L3MBTL2: variants seen among roughly 807,000 people sequenced by gnomAD.
L3MBTL2 encodes the protein lethal(3)malignant brain tumor-like protein 2.
L3MBTL2 carries 49 observed loss-of-function variants against 86.4 expected under a neutral mutation model. That is an observed-to-expected ratio of 0.57 (90% CI 0.45 to 0.72). The LOEUF (loss-of-function observed/expected upper bound fraction) is 0.72. L3MBTL2 is among the 30% of genes least tolerant of loss of function. The pLI, the probability that L3MBTL2 is intolerant of heterozygous loss-of-function variation, is 0.00. For synonymous variants in L3MBTL2, 336 were observed against 350.6 expected, an observed-to-expected ratio of 0.96 and a Z score of 0.47; for missense variants, 755 against 923.7, an observed-to-expected ratio of 0.82 and a Z score of 2.37.
At chr22:41,229,812 T>G (rs905563303) in intron 16 of L3MBTL2, 156 bp downstream of exon 16, 10 of 1,275,558 alleles carry the variant, frequency 7.8e-6, no homozygotes, top group African/African-American at 4.4e-5. Context: ...CCAGGGTGTT[T>G]CCCAGACACG....
chr22:41,216,896 C>T (rs1419457040), intron 4 of L3MBTL2: 1 of 491,850 alleles, frequency 2.0e-6, no homozygotes, highest in African/African-American at 2.0e-5. Flanking sequence ...TGTTCCTCTA[C>T]TCCTGAGAGT....
Position 41,230,629 on chromosome 22 carries a change from A to C in L3MBTL2, c.*378A>C. The C allele has an allele frequency of 4.2e-6, 1 of 238,814 alleles. No homozygotes were observed. The highest frequency in any genetic ancestry group is 2.3e-5 in the African/African-American group (1 of 43,756). 14.8% of individuals were successfully genotyped at this position (238,814 alleles called of 1,614,324 possible). A position where few individuals can be genotyped will look rare whatever the true frequency, so the allele number is the denominator to read the frequency against. On this transcript the variant is annotated 3_prime_UTR_variant, in exon 17 of 17. Coordinates refer to ENST00000216237, the MANE Select transcript of L3MBTL2 (RefSeq NM_031488.5). ...CCACCACTGTCACACTGTGGAATAC[A>C]AGACAGTGAACTCTGTCTGCCTGAA...
intron 1 of L3MBTL2, among the ~76,000 whole-genome samples, chr22:41,206,536 C>T (rs1195329704): frequency 1.3e-5 from 2 of 151,964 alleles, no homozygotes; most frequent in Non-Finnish European, 2.9e-5. Context: ...CGGTGGCTCA[C>T]GCCTGTAATC....
chr22:41,227,463 C>G lies in L3MBTL2; in HGVS notation c.1822+140C>G, dbSNP rs1207198741. The G allele has an allele frequency of 6.7e-6, 8 of 1,197,860 alleles. No individual in the cohort carries two copies. The highest frequency in any genetic ancestry group is 9.7e-6 in the Non-Finnish European group (8 of 828,394). The allele number at this position is 1,197,860 out of a possible 1,614,324, so 74.2% of individuals were successfully genotyped here. ...GACCACTTTAAGTAGAGAGTGAGCCCCGTCACCCAGCCCCTGCTCCTGACT... is the reference window on the plus strand; with the variant it reads ...GACCACTTTAAGTAGAGAGTGAGCCGCGTCACCCAGCCCCTGCTCCTGACT... On this transcript the variant is annotated intron_variant, in intron 14 of 16. Coordinates refer to ENST00000216237, the MANE Select transcript of L3MBTL2 (RefSeq NM_031488.5). This position sits in a 1 kb window ranked among gnomAD's most constrained non-coding sequence, Gnocchi z 6.0.
rs2032105527 is a variant in L3MBTL2 at position 41,225,338 on chromosome 22, C to T, written c.1356+267C>T. On this transcript the variant is annotated intron_variant, in intron 11 of 16. Transcript: ENST00000216237. This position sits in a 1 kb window ranked among gnomAD's most constrained non-coding sequence, Gnocchi z 4.1. ...TGTGTCAGAGTAGGCCCCTCCCTGT[C>T]ACCTCACTGGGGCCTTCTTGCTGTG... is the stretch of plus-strand genomic sequence containing the variant. 6.6e-6 allele frequency among the ~76,000 whole-genome samples: 1 copy of T among 152,212 alleles called. No individual in the cohort carries two copies. Among genetic ancestry groups the T allele is most frequent in the African/African-American group, 2.4e-5 (1 of 41,456 alleles).
intron 12 of L3MBTL2, among the ~76,000 whole-genome samples, 153 bp from the exon 13 acceptor site, chr22:41,226,509 G>T (rs1366164280): frequency 6.6e-6 from 1 of 152,224 alleles, no homozygotes; most frequent in East Asian, 1.9e-4. Context: ...GCTAGAGCAG[G>T]TACTACCCTG....
chr22:41,205,607 C>T (rs553682024), intron 1 of L3MBTL2, among the ~76,000 whole-genome samples: 3 of 152,232 alleles, frequency 2.0e-5, no homozygotes, highest in South Asian at 4.2e-4. Context: ...GAGGAACAGC[C>T]GTCCCTGGCC....
In L3MBTL2 at chr22:41,220,887, T is replaced by G; in HGVS notation, c.853+19T>G. 1 of 1,606,644 alleles carries G rather than the reference T, an allele frequency of 6.2e-7. No homozygotes were observed. Among genetic ancestry groups the G allele is most frequent in the Non-Finnish European group, 8.5e-7 (1 of 1,174,148 alleles). ...CCACGGAGTGAGTTGATGAGAACATTTCCTCTCTTGTTCCCGTAGGGCCCC... is the reference window on the plus strand; with the variant it reads ...CCACGGAGTGAGTTGATGAGAACATGTCCTCTCTTGTTCCCGTAGGGCCCC... On this transcript the variant is annotated intron_variant, in intron 7 of 16. Coordinates refer to ENST00000216237, the MANE Select transcript of L3MBTL2 (RefSeq NM_031488.5).
rs892467476 is a variant in L3MBTL2, at chr22:41,230,465, G to A, written c.*214G>A. On this transcript the variant is annotated 3_prime_UTR_variant, in exon 17 of 17. Transcript: ENST00000216237. Reference sequence around the variant, plus strand: ...TCCCCTGTGGAAAGGTCTATATGACGGGCCGCCTGAGGCCCCAGAACTCGT... The same window carrying A: ...TCCCCTGTGGAAAGGTCTATATGACAGGCCGCCTGAGGCCCCAGAACTCGT... The A allele has an allele frequency of 1.7e-5, 9 of 522,014 alleles. No individual in the cohort carries two copies. Among genetic ancestry groups the A allele is most frequent in the East Asian group, 1.0e-4 (3 of 30,016 alleles). The allele number at this position is 522,014 out of a possible 1,614,324, so 32.3% of individuals were successfully genotyped here.
intron 2 of L3MBTL2, 85 bp from the exon 3 acceptor site, chr22:41,213,808 G>C: frequency 2.0e-6 from 3 of 1,483,736 alleles, no homozygotes; most frequent in Non-Finnish European, 2.8e-6. Context: ...GGTTAATGCA[G>C]TGCCCCAGGT....
chr22:41,227,059 C>A lies in L3MBTL2; in HGVS notation c.1588-30C>A. 6.4e-7 allele frequency: 1 copy of A among 1,568,738 alleles called. No individual in the cohort carries two copies. Among genetic ancestry groups the A allele is most frequent in the Non-Finnish European group, 8.7e-7 (1 of 1,154,732 alleles). ...CCTGCTGGGGTAGGGAGCTGACTGG[C>A]TTGGCCACTGCCTCCTTTTTCTGCC... On this transcript the variant is annotated intron_variant, in intron 13 of 16. Transcript: ENST00000216237. The surrounding 1 kb of genome is among the most constrained non-coding windows in gnomAD (Gnocchi z 6.0).
chr22:41,227,166 G>A lies in L3MBTL2; in HGVS notation c.1665G>A (p.Val555=). 1.2e-6 allele frequency: 2 copies of A among 1,613,762 alleles called. No individual in the cohort carries two copies. The highest frequency in any genetic ancestry group is 8.5e-7 in the Non-Finnish European group (1 of 1,180,018). ...VDLMEPRLIC[V]ATVKRVVHRL... ...TGATGGAGCCCCGGCTCATCTGTGT[G>A]GCCACGGTGAAACGAGTGGTGCATC... The change falls in exon 14 of 17, where the codon GTG becomes GTA. Residue 555 remains valine (V), a synonymous_variant. Transcript: ENST00000216237. This position sits in a 1 kb window ranked among gnomAD's most constrained non-coding sequence, Gnocchi z 6.0.
At chr22:41,229,948 G>A (rs1460719086) in intron 16 of L3MBTL2, among the ~76,000 whole-genome samples, 191 bp from the exon 17 acceptor site, 1 of 152,076 alleles carries the variant, frequency 6.6e-6, no homozygotes, top group Non-Finnish European at 1.5e-5. Context: ...CAGTGTCGTT[G>A]GCATAGCCTG....
Position 41,216,257 on chromosome 22 carries a change from A to C in L3MBTL2, c.515A>C (p.Gln172Pro). ...CTGGCAGATGGGACACCAACAGGAC[A>C]AGACGGTAAGATAGCAGAGGGCCCT... ...GQLADGTPTG[Q>P]DALVLGFDWG... Residue 172 changes from glutamine (Q) to proline (P), a missense_variant, in exon 4 of 17, where the codon CAA becomes CCA. Coordinates refer to ENST00000216237, the MANE Select transcript of L3MBTL2 (RefSeq NM_031488.5). 1 of 1,613,756 alleles carries C rather than the reference A, an allele frequency of 6.2e-7. No individual in the cohort carries two copies. The highest frequency in any genetic ancestry group is 1.1e-5 in the South Asian group (1 of 91,072).
chr22:41,221,121 C>G, intron 7 of L3MBTL2, 78 bp from the exon 8 acceptor site: 1 of 1,358,924 alleles, frequency 7.4e-7, no homozygotes, highest in African/African-American at 1.5e-5. Flanking sequence ...GGGGTCCCCA[C>G]TCTGGGTCGG....
At chr22:41,228,366 T>C in intron 15 of L3MBTL2, 1 of 985,420 alleles carries the variant, frequency 1.0e-6, no homozygotes, top group Non-Finnish European at 1.2e-6. Flanking sequence ...TGGGTGTCGT[T>C]TCCCTTGGTG....
chr22:41,207,824 C>A (rs1022798284), intron 1 of L3MBTL2, among the ~76,000 whole-genome samples: 1 of 151,540 alleles, frequency 6.6e-6, no homozygotes, highest in African/African-American at 2.4e-5. Context: ...CAGGTGCATG[C>A]CACCACCACC....
chr22:41,212,301 G>A (rs1198446351), intron 2 of L3MBTL2, among the ~76,000 whole-genome samples: 2 of 152,048 alleles, frequency 1.3e-5, no homozygotes, highest in Non-Finnish European at 2.9e-5. Flanking sequence ...TTAGACCAGG[G>A]GTTCTGCACA....
Position 41,223,974 on chromosome 22 carries a change from G to A in L3MBTL2, c.943-46G>A, listed in dbSNP as rs1003438814. ...CTCACCAGAGCAGGAGGGTGGGTGG[G>A]AAGAGCCCTGAGCCATAGCAGGCCT... On this transcript the variant is annotated intron_variant, in intron 8 of 16. Coordinates refer to ENST00000216237, the MANE Select transcript of L3MBTL2 (RefSeq NM_031488.5). 3 of 1,485,218 alleles carry A rather than the reference G, an allele frequency of 2.0e-6. No homozygotes were observed. In the African/African-American group the frequency reaches 4.1e-5, roughly 21 times the overall value. 92.0% of individuals were successfully genotyped at this position (1,485,218 alleles called of 1,614,324 possible).
Sources: allele counts gnomAD v4.1 joint callset (sites outside exome capture counted in the v4.1 genomes callset), GRCh38; gene constraint gnomAD v4.1.1; non-coding constraint Gnocchi (gnomAD v3.1); transcripts MANE v1.5; gene names NCBI Gene and HGNC (gene_info 2026-07-23, HGNC 2026-07-21).